Variants in SGIP1 observed in about 807,000 individuals in gnomAD.
SGIP1 encodes the protein SH3GL interacting endocytic adaptor 1, also known as SH3-containing GRB2-like protein 3-interacting protein 1.
Under a neutral mutation model 107.5 loss-of-function variants are expected in SGIP1, and 38 were observed. The ratio of observed to expected loss-of-function variants is 0.35; its 90% confidence interval spans 0.27 to 0.46. The LOEUF is 0.46. Ranked by LOEUF, SGIP1 falls within the 20% of genes least tolerant of loss-of-function variation. SGIP1 has a pLI of 1.00. For synonymous variants in SGIP1, 365 were observed against 366.1 expected (o/e 1.00, Z 0.03); for missense variants, 929 against 1,019.5 (o/e 0.91, Z 1.21).
chr1:66,696,794 GA>G (rs2091003004), intron 18 of SGIP1, among the ~76,000 whole-genome samples: 1 of 152,140 alleles, frequency 6.6e-6, no homozygotes, highest in South Asian at 2.1e-4. Flanking sequence ...TTAATTTTGT[GA>G]TAACCAAGAT....
chr1:66,615,453 G>T (rs1276496331), intron 1 of SGIP1, among the ~76,000 whole-genome samples: 2 of 152,108 alleles, frequency 1.3e-5, no homozygotes, highest in African/African-American at 4.8e-5. Flanking sequence ...TTTTTAAATT[G>T]ATCTTTGAAT....
intron 9 of SGIP1, among the ~76,000 whole-genome samples, chr1:66,669,810 G>A (rs939139821): frequency 1.3e-5 from 2 of 152,130 alleles, no homozygotes; most frequent in Non-Finnish European, 1.5e-5. Context: ...GATTGAAACT[G>A]CTCCCGTAGC....
At chr1:66,628,209 C>T (rs989555854) in intron 2 of SGIP1, among the ~76,000 whole-genome samples, 17 of 151,952 alleles carry the variant, frequency 1.1e-4, no homozygotes, top group African/African-American at 1.7e-4. Context: ...AATAAACATA[C>T]GTGTGCATGT....
intron 6 of SGIP1, among the ~76,000 whole-genome samples, chr1:66,643,207 C>G (rs924979531): frequency 6.9e-6 from 1 of 145,872 alleles, no homozygotes; most frequent in Non-Finnish European, 1.5e-5. Flanking sequence ...GCATTTAAAA[C>G]TCATCGAGGA....
At chr1:66,560,808 C>G (rs970901801) in intron 1 of SGIP1, among the ~76,000 whole-genome samples, 1 of 152,056 alleles carries the variant, frequency 6.6e-6, no homozygotes, top group Non-Finnish European at 1.5e-5. Flanking sequence ...AACTGTGTGA[C>G]CTTAGGCAAG....
At chr1:66,594,905 TAGG>T (rs1459782295) in intron 1 of SGIP1, among the ~76,000 whole-genome samples, 1 of 152,128 alleles carries the variant, frequency 6.6e-6, no homozygotes, top group Non-Finnish European at 1.5e-5. Context: ...ACTCAAATAT[TAGG>T]AGAAGAAAAT....
At chr1:66,559,167 T>C (rs2058592821) in intron 1 of SGIP1, among the ~76,000 whole-genome samples, 1 of 151,996 alleles carries the variant, frequency 6.6e-6, no homozygotes, top group African/African-American at 2.4e-5. Context: ...CATGTACCAA[T>C]CTTGTTTAAT....
intron 7 of SGIP1, among the ~76,000 whole-genome samples, chr1:66,650,682 C>T (rs1258176955): frequency 1.3e-5 from 2 of 152,166 alleles, no homozygotes; most frequent in African/African-American, 4.8e-5. Context: ...ATGTGCTGTG[C>T]TCAGCAGGTA....
intron 1 of SGIP1, among the ~76,000 whole-genome samples, chr1:66,583,122 G>A (rs1328098263): frequency 6.6e-6 from 1 of 151,982 alleles, no homozygotes; most frequent in African/African-American, 2.4e-5. Flanking sequence ...TATTTCTCAA[G>A]GAGAAAGTGA....
chr1:66,666,283 G>C (rs1488527472), intron 8 of SGIP1: 4 of 159,232 alleles, frequency 2.5e-5, no homozygotes, highest in African/African-American at 9.6e-5. Context: ...GATGGTTGTA[G>C]ATGTGTATTG....
chr1:66,681,349 A>T (rs2086651978), intron 14 of SGIP1, among the ~76,000 whole-genome samples: 1 of 152,204 alleles, frequency 6.6e-6, no homozygotes, highest in African/African-American at 2.4e-5. Flanking sequence ...CAAATATTAT[A>T]ATCAGTTTCA....
intron 14 of SGIP1, 57 bp downstream of exon 14, chr1:66,679,809 G>A (rs1166488189): frequency 7.6e-6 from 11 of 1,445,066 alleles, no homozygotes; most frequent in Non-Finnish European, 1.0e-5. Context: ...AGTGGCCCCG[G>A]ATGAACATGC....
chr1:66,606,761 C>T (rs888675423), intron 1 of SGIP1, among the ~76,000 whole-genome samples: 1 of 152,128 alleles, frequency 6.6e-6, no homozygotes, highest in Admixed American at 6.5e-5. Flanking sequence ...CACATTAATG[C>T]AAAAACTATA....
At chr1:66,534,390 T>C in intron 1 of SGIP1, 22 bp downstream of exon 1, 1 of 1,614,034 alleles carries the variant, frequency 6.2e-7, no homozygotes, top group Non-Finnish European at 8.5e-7. Flanking sequence ...TCTGCTATGG[T>C]TGACTGGCTT....
At position 66,750,569 on chromosome 1, in the gene SGIP1, G is replaced by T. The variant is rs1327834506; in HGVS notation, c.*7474G>T. Among the ~76,000 whole-genome samples, 1 of 151,856 alleles carries T rather than the reference G, an allele frequency of 6.6e-6. No homozygotes were observed. Among genetic ancestry groups the T allele is most frequent in the Non-Finnish European group, 1.5e-5 (1 of 67,972 alleles). Reference sequence around the variant, plus strand: ...TACATAATTTCACAAAAATACCTTGGGCATAAAATACTTACAAAACTGTGA... The same window carrying T: ...TACATAATTTCACAAAAATACCTTGTGCATAAAATACTTACAAAACTGTGA... On this transcript the variant is annotated 3_prime_UTR_variant, in exon 25 of 25. Coordinates refer to ENST00000371037, the MANE Select transcript of SGIP1 (RefSeq NM_032291.4).
intron 7 of SGIP1, chr1:66,660,191 GAAAGAAAGAAA>G (rs2081110404): frequency 1.8e-5 from 3 of 171,194 alleles, no homozygotes; most frequent in East Asian, 1.4e-4. Flanking sequence ...AAGAAAGAAA[GAAAGAAAGAAA>G]GAAAGAAAGA....
At chr1:66,729,214 T>TATTGAC in intron 19 of SGIP1, 50 bp from the exon 20 acceptor site, 1 of 1,602,526 alleles carries the variant, frequency 6.2e-7, no homozygotes, top group Non-Finnish European at 8.5e-7. Flanking sequence ...TGATTCAGTG[T>TATTGAC]ATTGACATGG....
chr1:66,676,784 T>G (rs1408888415), intron 12 of SGIP1, among the ~76,000 whole-genome samples: 1 of 152,054 alleles, frequency 6.6e-6, no homozygotes, highest in Non-Finnish European at 1.5e-5. Context: ...TAGCTATATG[T>G]ACACACACAG....
At chr1:66,718,092 G>T (rs1161521025) in intron 18 of SGIP1, among the ~76,000 whole-genome samples, 1 of 152,166 alleles carries the variant, frequency 6.6e-6, no homozygotes, top group Admixed American at 6.6e-5. Flanking sequence ...ATGAACTAGA[G>T]TGATCAAGGG....
Sources: gnomAD v4.1 joint callset for allele counts (sites outside exome capture counted in the v4.1 genomes callset) on GRCh38, gnomAD v4.1.1 for gene constraint, MANE v1.5 for transcripts, NCBI Gene and HGNC (gene_info 2026-07-23, HGNC 2026-07-21) for gene names.